CSMD2: variants seen among roughly 807,000 people sequenced by gnomAD.
CSMD2 encodes the protein CUB and Sushi multiple domains 2, also known as CUB and sushi domain-containing protein 2.
Under a neutral mutation model 398.5 loss-of-function variants are expected in CSMD2, and 130 were observed. The ratio of observed to expected loss-of-function variants is 0.33; its 90% CI spans 0.28 to 0.38. CSMD2 has a LOEUF of 0.38. Among genes scored for constraint, CSMD2 ranks in the 10% least tolerant of loss-of-function variants. CSMD2 has a pLI of 1.00. For synonymous variants in CSMD2, 1,828 were observed against 1,908.5 expected (o/e 0.96, Z 1.10); for missense variants, 3,829 against 4,764.9 (o/e 0.80, Z 5.78).
intron 5 of CSMD2, among the ~76,000 whole-genome samples, chr1:33,867,387 G>A (rs1558028000): frequency 1.3e-5 from 2 of 152,356 alleles, no homozygotes; most frequent in Admixed American, 1.3e-4. Context: ...GCCAGCAGAT[G>A]AGAACTTGGC....
At chr1:34,062,314 C>T (rs1363486946) in intron 2 of CSMD2, among the ~76,000 whole-genome samples, 1 of 152,200 alleles carries the variant, frequency 6.6e-6, no homozygotes, top group Non-Finnish European at 1.5e-5. Flanking sequence ...AAGCCTTCAA[C>T]TATTTTTATT....
chr1:33,557,807 G>A lies in CSMD2; in HGVS notation c.8670C>T (p.Phe2890=), dbSNP rs1040761789. 2.0e-6 allele frequency: 3 copies of A among 1,536,126 alleles called. No homozygotes were observed. Among genetic ancestry groups the A allele is most frequent in the Non-Finnish European group, 2.6e-6 (3 of 1,146,910 alleles). The change falls in exon 55 of 71, where the codon TTC becomes TTT. Residue 2890 remains phenylalanine (F), a synonymous_variant. Coordinates refer to ENST00000373381, the MANE Select transcript of CSMD2 (RefSeq NM_001281956.2). ...TGAGCACTGGGGTGCCCAGGAGGTAGAAGCCGTGGTTGCACCGGTAAGACA... is the reference window on the plus strand; with the variant it reads ...TGAGCACTGGGGTGCCCAGGAGGTAAAAGCCGTGGTTGCACCGGTAAGACA... ...TTVSYRCNHG[F]YLLGTPVLSC...
chr1:33,855,847 C>A (rs1004861781), intron 5 of CSMD2, among the ~76,000 whole-genome samples: 3 of 152,214 alleles, frequency 2.0e-5, no homozygotes, highest in African/African-American at 7.2e-5. Flanking sequence ...TTCTTCCTGA[C>A]TGGAGTCTCT....
intron 41 of CSMD2, among the ~76,000 whole-genome samples, chr1:33,608,817 C>G (rs1026765669): frequency 2.0e-5 from 3 of 152,168 alleles, no homozygotes; most frequent in African/African-American, 7.2e-5. Context: ...TGATCTTGAC[C>G]ATCCAGCCCC....
intron 57 of CSMD2, among the ~76,000 whole-genome samples, chr1:33,545,029 TTTAAATTAATGATCCCCCCACC>T (rs2148609847): frequency 6.6e-6 from 1 of 152,250 alleles, no homozygotes; most frequent in Admixed American, 6.5e-5. Flanking sequence ...CTGCTCTCAC[TTTAAATTAATGATCCCCCCACC>T]TTAAGTGAGC....
chr1:33,907,437 C>T (rs1245960943), intron 5 of CSMD2, among the ~76,000 whole-genome samples: 3 of 152,006 alleles, frequency 2.0e-5, no homozygotes, highest in South Asian at 2.1e-4. Context: ...CTTTGATCAT[C>T]ATCTTAATGT....
chr1:33,984,856 AAGGAAGGC>A lies in CSMD2; in HGVS notation c.517+47730_517+47737del, dbSNP rs1190939083. The stretch of plus-strand genomic sequence containing the variant: ...GGAAGGAGGAAGGAAGGAAGGAAGG[AAGGAAGGC>A]AGGCAGGCAGGCAGGCAGGCAGGAA... On this transcript the variant is annotated intron_variant, in intron 3 of 70. Transcript: ENST00000373381. Among the ~76,000 whole-genome samples, 74 of 141,746 alleles carry A rather than the reference AAGGAAGGC, an allele frequency of 5.2e-4. 1 individual carries two copies. The highest frequency in any genetic ancestry group is 1.8e-3 in the African/African-American group (59 of 33,612). The allele number at this position is 141,746 out of a possible 152,430, so 93.0% of individuals were successfully genotyped here.
chr1:33,966,089 G>A (rs563010209), intron 3 of CSMD2, among the ~76,000 whole-genome samples: 18 of 152,246 alleles, frequency 1.2e-4, no homozygotes, highest in Non-Finnish European at 2.4e-4. Flanking sequence ...ATCACTTCCC[G>A]TAAGAAATGA....
intron 3 of CSMD2, among the ~76,000 whole-genome samples, chr1:33,963,178 T>G (rs1375346782): frequency 6.6e-6 from 1 of 152,220 alleles, no homozygotes; most frequent in Non-Finnish European, 1.5e-5. Context: ...AAGCCCCTTA[T>G]GGGGCCCCTC....
chr1:33,660,696 C>T lies in CSMD2; in HGVS notation c.4255+2194G>A, dbSNP rs186011079. Among the ~76,000 whole-genome samples the T allele has an allele frequency of 3.9e-5, 6 of 152,332 alleles. No individual in the cohort carries two copies. In the East Asian group the frequency reaches 1.2e-3, roughly 29 times the overall value. On this transcript the variant is annotated intron_variant, in intron 26 of 70. Transcript: ENST00000373381. ...GCTAGGTAGCTTTGACCATGCTACT[C>T]TGCCTAAGCAATGCTAAGGGCAGCT...
At chr1:34,114,430 G>T (rs1359617087) in intron 1 of CSMD2, among the ~76,000 whole-genome samples, 4 of 152,166 alleles carry the variant, frequency 2.6e-5, no homozygotes, top group East Asian at 3.9e-4. Flanking sequence ...GAGCACAGTG[G>T]TTCATACCTG....
chr1:34,145,711 CG>C (rs1558459295), intron 1 of CSMD2, among the ~76,000 whole-genome samples: 4 of 152,096 alleles, frequency 2.6e-5, no homozygotes, highest in Non-Finnish European at 4.4e-5. Flanking sequence ...TGTCGAGGAA[CG>C]GGGAGGCATT....
intron 13 of CSMD2, among the ~76,000 whole-genome samples, chr1:33,753,257 C>T (rs1453965070): frequency 3.3e-5 from 5 of 152,132 alleles, no homozygotes; most frequent in Non-Finnish European, 7.4e-5. Flanking sequence ...CATCATAGGC[C>T]CAGAGGCCCA....
intron 13 of CSMD2, among the ~76,000 whole-genome samples, chr1:33,771,004 C>T (rs1443593623): frequency 6.6e-6 from 1 of 152,240 alleles, no homozygotes; most frequent in African/African-American, 2.4e-5. Flanking sequence ...AGCTGGCATT[C>T]TGCTACCTGC....
intron 27 of CSMD2, 24 bp downstream of exon 27, chr1:33,657,922 G>A: frequency 1.3e-6 from 2 of 1,598,086 alleles, no homozygotes; most frequent in East Asian, 2.2e-5. Flanking sequence ...CAAGAGCAGA[G>A]TGCACCCTGC....
chr1:34,150,714 AC>A (rs1389715184), intron 1 of CSMD2, among the ~76,000 whole-genome samples: 4 of 152,000 alleles, frequency 2.6e-5, no homozygotes, highest in Non-Finnish European at 4.4e-5. Context: ...GGAGTGCAAG[AC>A]TAGCCCGGGC....
intron 5 of CSMD2, among the ~76,000 whole-genome samples, chr1:33,865,190 A>C (rs1423332860): frequency 1.3e-5 from 2 of 151,594 alleles, no homozygotes; most frequent in Non-Finnish European, 2.9e-5. Context: ...GACTCTGCTA[A>C]GCAGTGGCAG....
rs35559180 is a variant in CSMD2 at position 33,755,854 on chromosome 1, A to AG, written c.1847-12249dup. Among the ~76,000 whole-genome samples, 296 of 149,464 alleles carry AG rather than the reference A, an allele frequency of 2.0e-3. 2 individuals carry two copies. The highest frequency in any genetic ancestry group is 6.6e-3 in the African/African-American group (266 of 40,244). On this transcript the variant is annotated intron_variant, in intron 13 of 70. Transcript: ENST00000373381. ...TTAAGAGATGTGTGTGTGCGGGGGG[A>AG]GGGGGGTCTCACTATGTTGCTCACT...
chr1:33,972,486 T>C (rs1645808014), intron 3 of CSMD2, among the ~76,000 whole-genome samples: 1 of 151,832 alleles, frequency 6.6e-6, no homozygotes, highest in South Asian at 2.1e-4. Context: ...GGTGGGGAGG[T>C]CATCCTGGAT....
Sources: gnomAD v4.1 joint callset for allele counts (sites outside exome capture counted in the v4.1 genomes callset) on GRCh38, gnomAD v4.1.1 for gene constraint, MANE v1.5 for transcripts, NCBI Gene and HGNC (gene_info 2026-07-23, HGNC 2026-07-21) for gene names.